PLCE1: variants seen among roughly 807,000 people sequenced by gnomAD.
PLCE1 encodes phospholipase C epsilon 1, also known as 1-phosphatidylinositol 4,5-bisphosphate phosphodiesterase epsilon-1.
A neutral mutation model predicts 242.8 loss-of-function variants in PLCE1; 119 were observed. The observed-to-expected ratio is 0.49, with a 90% CI of 0.42 to 0.57. PLCE1 has a LOEUF of 0.57. Ranked by LOEUF, PLCE1 falls within the 20% of genes least tolerant of loss-of-function variation. The pLI is 0.00. For missense variants in PLCE1, 2,441 were observed against 2,788.8 expected, an observed-to-expected ratio of 0.88 and a Z score of 2.81; for synonymous variants, 945 against 1,017.4, an observed-to-expected ratio of 0.93 and a Z score of 1.35.
At chr10:94,162,592 T>C (rs1444428237) in intron 3 of PLCE1, among the ~76,000 whole-genome samples, 2 of 152,180 alleles carry the variant, frequency 1.3e-5, no homozygotes, top group African/African-American at 4.8e-5. Flanking sequence ...TTTGTTGATC[T>C]TTTCAAAAAA....
intron 29 of PLCE1, among the ~76,000 whole-genome samples, chr10:94,319,286 C>G (rs1459629465): frequency 6.6e-6 from 1 of 152,092 alleles, no homozygotes; most frequent in Non-Finnish European, 1.5e-5. Context: ...TCTAGGTTTA[C>G]CTGGTGCATA....
At position 94,328,002 on chromosome 10, in the gene PLCE1, C is replaced by T; in HGVS notation, c.*59C>T. 1 of 531,764 alleles carries T rather than the reference C, an allele frequency of 1.9e-6. No individual in the cohort carries two copies. The highest frequency in any genetic ancestry group is 1.4e-5 in the South Asian group (1 of 71,172). The allele number at this position is 531,764 out of a possible 1,614,324, so 32.9% of individuals were successfully genotyped here. ...TTTAAGCAAGAAGTTAAAGAGTGAA[C>T]ATGGTGGAAAAAATATAATTATTTT... On this transcript the variant is annotated 3_prime_UTR_variant, in exon 33 of 33. Coordinates refer to ENST00000371380, the MANE Select transcript of PLCE1 (RefSeq NM_016341.4).
At chr10:94,126,483 C>T (rs928558791) in intron 2 of PLCE1, among the ~76,000 whole-genome samples, 2 of 152,176 alleles carry the variant, frequency 1.3e-5, no homozygotes, top group East Asian at 3.8e-4. Context: ...AAATGAAGCT[C>T]GTCTTGCTCA....
At chr10:94,026,671 T>C (rs1466593710) in intron 1 of PLCE1, among the ~76,000 whole-genome samples, 1 of 152,196 alleles carries the variant, frequency 6.6e-6, no homozygotes, top group Non-Finnish European at 1.5e-5. Flanking sequence ...AAAATGTATA[T>C]ATATATTTCA....
chr10:94,183,376 G>C (rs1391695161), intron 4 of PLCE1, among the ~76,000 whole-genome samples: 1 of 151,544 alleles, frequency 6.6e-6, no homozygotes, highest in South Asian at 2.1e-4. Flanking sequence ...CACAGACAAA[G>C]CTCCTGCCCC....
At chr10:94,130,683 A>T (rs577449614) in intron 2 of PLCE1, among the ~76,000 whole-genome samples, 41 of 152,354 alleles carry the variant, frequency 2.7e-4, no homozygotes, top group African/African-American at 9.9e-4. Context: ...AGAGAATTAA[A>T]GGTAAGAATC....
chr10:94,218,523 T>C (rs2049605891), intron 4 of PLCE1, among the ~76,000 whole-genome samples: 1 of 152,112 alleles, frequency 6.6e-6, no homozygotes, highest in Non-Finnish European at 1.5e-5. Flanking sequence ...ATGAAGATCA[T>C]AAATAGTATT....
chr10:94,311,227 G>C (rs2053378317), intron 27 of PLCE1, among the ~76,000 whole-genome samples: 1 of 152,174 alleles, frequency 6.6e-6, no homozygotes, highest in African/African-American at 2.4e-5. Context: ...GGCATGATTG[G>C]TTCAATTATT....
intron 1 of PLCE1, among the ~76,000 whole-genome samples, chr10:94,024,714 C>T (rs975141497): frequency 1.3e-5 from 2 of 152,012 alleles, no homozygotes; most frequent in Non-Finnish European, 2.9e-5. Flanking sequence ...GCTTGTATTT[C>T]ATATTTTTCT....
intron 4 of PLCE1, among the ~76,000 whole-genome samples, chr10:94,214,637 G>A (rs1396333997): frequency 6.6e-6 from 1 of 152,120 alleles, no homozygotes; most frequent in South Asian, 2.1e-4. Context: ...CTTCCGCTCT[G>A]TCCTTCCTGC....
chr10:94,197,934 G>A (rs2048871170), intron 4 of PLCE1, among the ~76,000 whole-genome samples: 1 of 123,684 alleles, frequency 8.1e-6, no homozygotes, highest in East Asian at 2.8e-4. Context: ...AGTGAGCCAA[G>A]ATTGCACCAT....
At chr10:93,998,034 C>T (rs967972593) in intron 1 of PLCE1, among the ~76,000 whole-genome samples, 4 of 152,194 alleles carry the variant, frequency 2.6e-5, no homozygotes, top group Admixed American at 2.0e-4. Flanking sequence ...GGATTGTAAG[C>T]CCTCCTGGCG....
chr10:94,135,961 T>G (rs912567732), intron 3 of PLCE1, among the ~76,000 whole-genome samples: 7 of 152,176 alleles, frequency 4.6e-5, no homozygotes, highest in African/African-American at 1.7e-4. Context: ...TAATGTTTTT[T>G]AACGAGATGT....
chr10:94,248,047 A>T (rs1178265904), intron 8 of PLCE1, among the ~76,000 whole-genome samples: 1 of 152,262 alleles, frequency 6.6e-6, no homozygotes, highest in Non-Finnish European at 1.5e-5. Context: ...TGAACTACTC[A>T]AATGCCTGAT....
chr10:94,217,896 A>G (rs1490494059), intron 4 of PLCE1, among the ~76,000 whole-genome samples: 2 of 152,164 alleles, frequency 1.3e-5, no homozygotes, highest in Non-Finnish European at 2.9e-5. Context: ...GAAAATGGAC[A>G]TATACACAAC....
chr10:94,247,015 G>A (rs1206946502), intron 8 of PLCE1, among the ~76,000 whole-genome samples: 2 of 151,644 alleles, frequency 1.3e-5, no homozygotes, highest in African/African-American at 4.9e-5. Context: ...AGTAGGCTGA[G>A]GCAGGAGAAT....
At chr10:93,997,692 A>T (rs1435513554) in intron 1 of PLCE1, among the ~76,000 whole-genome samples, 1 of 125,312 alleles carries the variant, frequency 8.0e-6, no homozygotes, top group African/African-American at 3.2e-5. Context: ...AACTCAGCTC[A>T]TTAGAAAGTT....
At chr10:94,081,347 C>T (rs2044649240) in intron 2 of PLCE1, among the ~76,000 whole-genome samples, 1 of 151,978 alleles carries the variant, frequency 6.6e-6, no homozygotes, top group Non-Finnish European at 1.5e-5. Flanking sequence ...TTTTAAATTT[C>T]TTTGTGATCT....
chr10:94,091,779 A>G (rs2045084574), intron 2 of PLCE1, among the ~76,000 whole-genome samples: 1 of 152,128 alleles, frequency 6.6e-6, no homozygotes, highest in Admixed American at 6.5e-5. Context: ...TGGAAAATAT[A>G]GCAATAGAAG....
Sources: gnomAD v4.1 joint callset for allele counts (sites outside exome capture counted in the v4.1 genomes callset) on GRCh38, gnomAD v4.1.1 for gene constraint, MANE v1.5 for transcripts, NCBI Gene and HGNC (gene_info 2026-07-23, HGNC 2026-07-21) for gene names.